The following MDGA2 variants were observed in gnomAD, a reference collection of about 807,000 sequenced individuals.
MDGA2 encodes the protein MAM domain containing glycosylphosphatidylinositol anchor 2.
In MDGA2, 40 loss-of-function variants were observed where a neutral mutation model predicts 117.8. The observed-to-expected ratio is 0.34, with a 90% CI of 0.26 to 0.44. MDGA2 has a LOEUF of 0.44. Ranked by LOEUF, MDGA2 falls within the 20% of genes least tolerant of loss-of-function variation. MDGA2 has a pLI of 1.00. For synonymous variants in MDGA2, 452 were observed against 439.0 expected, an observed-to-expected ratio of 1.03 and a Z score of -0.37; for missense variants, 1,123 against 1,250.6, an observed-to-expected ratio of 0.90 and a Z score of 1.54.
chr14:46,992,172 A>G (rs1438861866), intron 8 of MDGA2, among the ~76,000 whole-genome samples: 3 of 152,186 alleles, frequency 2.0e-5, no homozygotes, highest in Admixed American at 6.5e-5. Context: ...GAAATTCTCA[A>G]TTAAAATCTA....
intron 1 of MDGA2, among the ~76,000 whole-genome samples, chr14:47,654,777 G>C (rs1897712644): frequency 6.6e-6 from 1 of 151,996 alleles, no homozygotes; most frequent in Non-Finnish European, 1.5e-5. Context: ...AGATTACCAA[G>C]GGAGAAAAGA....
At chr14:47,158,151 A>G (rs1301084007) in intron 3 of MDGA2, among the ~76,000 whole-genome samples, 1 of 152,216 alleles carries the variant, frequency 6.6e-6, no homozygotes. Flanking sequence ...CTGTTTAGAT[A>G]CACAAATATA....
At chr14:47,063,429 G>A (rs1490140209) in intron 6 of MDGA2, among the ~76,000 whole-genome samples, 1 of 151,750 alleles carries the variant, frequency 6.6e-6, no homozygotes, top group African/African-American at 2.4e-5. Context: ...ATTTTCACAG[G>A]CACTGACCTA....
At chr14:47,406,988 G>T (rs961132447) in intron 1 of MDGA2, among the ~76,000 whole-genome samples, 6 of 151,784 alleles carry the variant, frequency 4.0e-5, no homozygotes. Flanking sequence ...AATATATTGT[G>T]AATATTTTCT....
At chr14:47,612,820 T>C (rs1434310376) in intron 1 of MDGA2, among the ~76,000 whole-genome samples, 1 of 152,188 alleles carries the variant, frequency 6.6e-6, no homozygotes, top group Non-Finnish European at 1.5e-5. Context: ...ATAAAATTCA[T>C]ATCTATTTTA....
intron 1 of MDGA2, among the ~76,000 whole-genome samples, chr14:47,614,848 G>T (rs1420301476): frequency 5.9e-5 from 9 of 151,984 alleles, no homozygotes; most frequent in Non-Finnish European, 1.2e-4. Flanking sequence ...TCTATAATAT[G>T]GTGCCAATAA....
intron 1 of MDGA2, among the ~76,000 whole-genome samples, chr14:47,536,157 C>T (rs1895205771): frequency 6.6e-6 from 1 of 152,248 alleles, no homozygotes; most frequent in Admixed American, 6.5e-5. Context: ...TACAAAGACC[C>T]AAAACAATGG....
chr14:46,901,631 A>C (rs1883289998), intron 10 of MDGA2, among the ~76,000 whole-genome samples: 1 of 152,210 alleles, frequency 6.6e-6, no homozygotes, highest in South Asian at 2.1e-4. Context: ...AAATGAGAAA[A>C]ATATCTTATT....
At chr14:47,023,197 G>A (rs1357346374) in intron 8 of MDGA2, among the ~76,000 whole-genome samples, 3 of 69,616 alleles carry the variant, frequency 4.3e-5, no homozygotes, top group African/African-American at 1.5e-4. Context: ...ATTCCCACTC[G>A]TAAAAAAAAA....
At chr14:47,126,504 C>A (rs112245418) in intron 5 of MDGA2, among the ~76,000 whole-genome samples, 1 of 152,052 alleles carries the variant, frequency 6.6e-6, no homozygotes, top group Non-Finnish European at 1.5e-5. Flanking sequence ...TTAACACTTT[C>A]TCTGGCTGAT....
Position 47,058,078 on chromosome 14 carries a change from T to G in MDGA2, c.1525+3171A>C, listed in dbSNP as rs370549894. 1.1e-3 allele frequency among the ~76,000 whole-genome samples: 160 copies of G among 152,286 alleles called. 2 individuals are homozygous for G. The highest frequency in any genetic ancestry group is 3.7e-3 in the African/African-American group (152 of 41,572). ...GTCATTTAAGAAAAATGATTTTCTG[T>G]CTCAGGTAAAAATGCCTTGTGGTAT... On this transcript the variant is annotated intron_variant, in intron 7 of 16. Coordinates refer to ENST00000399232, the MANE Select transcript of MDGA2 (RefSeq NM_001113498.3).
intron 1 of MDGA2, among the ~76,000 whole-genome samples, chr14:47,433,254 T>C (rs140887142): frequency 3.9e-5 from 6 of 152,104 alleles, no homozygotes; most frequent in African/African-American, 1.4e-4. Context: ...AACAGCAGAG[T>C]TGTCCTTCTG....
chr14:46,911,263 G>A (rs1883690462), intron 10 of MDGA2, among the ~76,000 whole-genome samples: 1 of 152,170 alleles, frequency 6.6e-6, no homozygotes, highest in South Asian at 2.1e-4. Context: ...CTTGAAGTCT[G>A]ATAAAGCAAT....
chr14:47,343,057 G>A, intron 1 of MDGA2: 1 of 1,286,930 alleles, frequency 7.8e-7, no homozygotes, highest in Non-Finnish European at 1.0e-6. Context: ...GAGTCCTGCG[G>A]CAGATCCCAA....
intron 9 of MDGA2, among the ~76,000 whole-genome samples, chr14:46,928,551 AAATC>A (rs67655209): frequency 0.3 from 45,204 of 151,688 alleles, 7,082 homozygotes; most frequent in South Asian, 0.52. Context: ...TTTATTGAAT[AAATC>A]AATCAATGAA....
intron 2 of MDGA2, among the ~76,000 whole-genome samples, chr14:47,278,769 T>C (rs1888384331): frequency 6.6e-6 from 1 of 152,198 alleles, no homozygotes; most frequent in Admixed American, 6.5e-5. Context: ...AAAAAGTAAG[T>C]ATCTTTCCTC....
At chr14:47,138,973 A>T (rs1344070797) in intron 4 of MDGA2, among the ~76,000 whole-genome samples, 1 of 151,974 alleles carries the variant, frequency 6.6e-6, no homozygotes, top group Non-Finnish European at 1.5e-5. Context: ...TATAAACAAG[A>T]TTTTTGTCAC....
chr14:47,538,441 G>A (rs933327107), intron 1 of MDGA2, among the ~76,000 whole-genome samples: 1 of 152,130 alleles, frequency 6.6e-6, no homozygotes, highest in Non-Finnish European at 1.5e-5. Flanking sequence ...GAACAATAAT[G>A]GGTAAGTCAA....
At chr14:47,018,141 T>C (rs894330387) in intron 8 of MDGA2, among the ~76,000 whole-genome samples, 1 of 120,310 alleles carries the variant, frequency 8.3e-6, no homozygotes, top group East Asian at 4.2e-4. Context: ...TCTGGGGTAA[T>C]TGACTTTTTT....
Sources: allele counts gnomAD v4.1 joint callset (sites outside exome capture counted in the v4.1 genomes callset), GRCh38; gene constraint gnomAD v4.1.1; transcripts MANE v1.5; gene names NCBI Gene and HGNC (gene_info 2026-07-23, HGNC 2026-07-21).